The following IGF1R variants were observed in gnomAD, a reference collection of about 807,000 sequenced individuals.
The protein encoded by IGF1R is insulin like growth factor 1 receptor, also known as insulin-like growth factor 1 receptor.
Under a neutral mutation model 144.6 loss-of-function variants are expected in IGF1R, and 44 were observed. That is an observed-to-expected ratio of 0.30 (90% CI 0.24 to 0.39). The LOEUF (loss-of-function observed/expected upper bound fraction) is 0.39. IGF1R is among the 10% of genes least tolerant of loss of function. The pLI, the probability that IGF1R is intolerant of heterozygous loss-of-function variation, is 1.00. For missense variants in IGF1R, 1,355 were observed against 1,833.7 expected (o/e 0.74, Z 4.77); for synonymous variants, 795 against 722.8 (o/e 1.10, Z -1.60).
rs56121011 is a variant in IGF1R, at chr15:98,755,718, C to CAA, written c.640+47645_640+47646dup. On this transcript the variant is annotated intron_variant, in intron 2 of 20. Coordinates refer to ENST00000650285, the MANE Select transcript of IGF1R (RefSeq NM_000875.5). Reference sequence around the variant, plus strand: ...TGAATGACAGAGCAAAACTCCATTGCAAAAAAAAAAAAAAAAAAAAAAAAA... The same window carrying CAA: ...TGAATGACAGAGCAAAACTCCATTGCAAAAAAAAAAAAAAAAAAAAAAAAAAA... Among the ~76,000 whole-genome samples the CAA allele has an allele frequency of 4.4e-3, 152 of 34,484 alleles. 19 individuals carry two copies. Among genetic ancestry groups the CAA allele is most frequent in the African/African-American group, 0.022 (144 of 6,428 alleles). 22.6% of individuals were successfully genotyped at this position (34,484 alleles called of 152,430 possible).
At chr15:98,682,538 A>G (rs1335020067) in intron 1 of IGF1R, among the ~76,000 whole-genome samples, 1 of 152,066 alleles carries the variant, frequency 6.6e-6, no homozygotes, top group Admixed American at 6.6e-5. Context: ...AGAAACTAGT[A>G]TCTTTCTCTG....
chr15:98,683,143 C>T (rs1051151866), intron 1 of IGF1R, among the ~76,000 whole-genome samples: 1 of 151,818 alleles, frequency 6.6e-6, no homozygotes, highest in Non-Finnish European at 1.5e-5. Context: ...TAGGATCTGA[C>T]AAAGTGCATG....
intron 1 of IGF1R, among the ~76,000 whole-genome samples, chr15:98,659,188 T>G (rs1009033743): frequency 6.6e-6 from 1 of 152,268 alleles, no homozygotes; most frequent in Non-Finnish European, 1.5e-5. Flanking sequence ...AAACTTTATT[T>G]TGCTAAGGTG....
At chr15:98,885,948 C>G (rs1331359677) in intron 2 of IGF1R, among the ~76,000 whole-genome samples, 1 of 151,956 alleles carries the variant, frequency 6.6e-6, no homozygotes, top group Non-Finnish European at 1.5e-5. Flanking sequence ...TCCCAAGTAG[C>G]TGGGATCACA....
At chr15:98,910,368 C>T (rs1016349909) in intron 6 of IGF1R, among the ~76,000 whole-genome samples, 2 of 152,338 alleles carry the variant, frequency 1.3e-5, no homozygotes, top group East Asian at 1.9e-4. Flanking sequence ...AAAGCAAAAT[C>T]ATGGTTTCCT....
At chr15:98,904,130 G>T (rs2014615091) in intron 5 of IGF1R, among the ~76,000 whole-genome samples, 1 of 147,452 alleles carries the variant, frequency 6.8e-6, no homozygotes, top group Non-Finnish European at 1.5e-5. Flanking sequence ...TCGGATCACT[G>T]CAAGCTCCGC....
chr15:98,681,298 G>A (rs752754450), intron 1 of IGF1R, among the ~76,000 whole-genome samples: 7 of 152,124 alleles, frequency 4.6e-5, no homozygotes, highest in Admixed American at 2.0e-4. Context: ...TCTACCTGGC[G>A]CATGACATAC....
intron 1 of IGF1R, among the ~76,000 whole-genome samples, chr15:98,702,033 GTTTTTT>G (rs35793845): frequency 6.4e-5 from 7 of 108,702 alleles, no homozygotes; most frequent in Admixed American, 3.2e-4. Flanking sequence ...GAGTCACGCT[GTTTTTT>G]TTTTTTTTTT....
chr15:98,684,255 A>C (rs1391899271), intron 1 of IGF1R, among the ~76,000 whole-genome samples: 1 of 131,404 alleles, frequency 7.6e-6, no homozygotes, highest in Non-Finnish European at 1.6e-5. Context: ...TAGCTCTGGC[A>C]GCCTCTGATA....
chr15:98,674,742 A>T (rs1326228580), intron 1 of IGF1R, among the ~76,000 whole-genome samples: 1 of 152,256 alleles, frequency 6.6e-6, no homozygotes, highest in East Asian at 1.9e-4. Flanking sequence ...AATAAAAATT[A>T]TCCTTAATCT....
rs531882235 is a variant in IGF1R at position 98,957,325 on chromosome 15, C to T, written c.3987C>T (p.Pro1329=). 63 of 1,612,252 alleles carry T rather than the reference C, an allele frequency of 3.9e-5. No individual in the cohort carries two copies. Among genetic ancestry groups the T allele is most frequent in the East Asian group, 8.9e-5 (4 of 44,850 alleles). ...RHSGHKAENG[P]GPGVLVLRAS... Reference sequence around the variant, plus strand: ...CAGGACACAAGGCCGAGAACGGCCCCGGCCCTGGGGTGCTGGTCCTCCGCG... The same window carrying T: ...CAGGACACAAGGCCGAGAACGGCCCTGGCCCTGGGGTGCTGGTCCTCCGCG... The change falls in exon 21 of 21, where the codon CCC becomes CCT. Residue 1329 remains proline (P), a synonymous_variant. Transcript: ENST00000650285.
intron 2 of IGF1R, among the ~76,000 whole-genome samples, chr15:98,880,107 G>A (rs571173168): frequency 1.3e-5 from 2 of 152,176 alleles, no homozygotes; most frequent in African/African-American, 4.8e-5. Flanking sequence ...CTCTAAATGG[G>A]TGAGTTATAG....
chr15:98,813,301 G>A (rs1158806238), intron 2 of IGF1R, among the ~76,000 whole-genome samples: 3 of 152,020 alleles, frequency 2.0e-5, no homozygotes, highest in African/African-American at 7.3e-5. Context: ...CCAATCCAAA[G>A]GCCAGGCCCC....
At chr15:98,937,372 G>T (rs2016194426) in intron 17 of IGF1R, among the ~76,000 whole-genome samples, 1 of 152,130 alleles carries the variant, frequency 6.6e-6, no homozygotes, top group South Asian at 2.1e-4. Flanking sequence ...CTTGGTCCTG[G>T]CTCTGCGGCT....
intron 1 of IGF1R, among the ~76,000 whole-genome samples, chr15:98,692,562 A>G (rs2053502088): frequency 6.6e-6 from 1 of 152,188 alleles, no homozygotes; most frequent in South Asian, 2.1e-4. Context: ...GTATTTATTT[A>G]CCATACCCTG....
intron 2 of IGF1R, among the ~76,000 whole-genome samples, chr15:98,812,290 T>C (rs2056607739): frequency 6.6e-6 from 1 of 152,132 alleles, no homozygotes; most frequent in South Asian, 2.1e-4. Flanking sequence ...GAACTCTTTC[T>C]TGTGCCCTTC....
At chr15:98,756,097 C>T (rs2055148877) in intron 2 of IGF1R, among the ~76,000 whole-genome samples, 1 of 152,150 alleles carries the variant, frequency 6.6e-6, no homozygotes. Flanking sequence ...TGACTGTAGC[C>T]TACAAAGCCC....
intron 2 of IGF1R, among the ~76,000 whole-genome samples, chr15:98,742,213 A>T (rs772901732): frequency 6.6e-6 from 1 of 152,252 alleles, no homozygotes; most frequent in Admixed American, 6.5e-5. Context: ...TTCTCACAGC[A>T]TATCCTGTTA....
chr15:98,927,566 G>C (rs890455030), intron 13 of IGF1R, among the ~76,000 whole-genome samples: 6 of 152,166 alleles, frequency 3.9e-5, no homozygotes, highest in African/African-American at 1.4e-4. Context: ...AGCCTGACCA[G>C]TAGTATAAGT....
Sources: allele counts gnomAD v4.1 joint callset (sites outside exome capture counted in the v4.1 genomes callset), GRCh38; gene constraint gnomAD v4.1.1; transcripts MANE v1.5; gene names NCBI Gene and HGNC (gene_info 2026-07-23, HGNC 2026-07-21).